KCTD8: variants seen among roughly 807,000 people sequenced by gnomAD.
KCTD8 encodes the protein BTB/POZ domain-containing protein KCTD8.
In KCTD8, 27 loss-of-function variants were observed where a neutral mutation model predicts 31.5. That is an observed-to-expected ratio of 0.86 (90% CI 0.63 to 1.18). The LOEUF is 1.18. KCTD8 is among the 50% of genes most tolerant of loss of function. The probability of loss-of-function intolerance (pLI) is 0.00; values close to 1 mark genes in which losing one functional copy is unlikely to be tolerated. For synonymous variants in KCTD8, 290 were observed against 280.0 expected (o/e 1.04, Z -0.36); for missense variants, 658 against 647.7 (o/e 1.02, Z -0.17).
At chr4:44,258,904 A>G (rs562723386) in intron 1 of KCTD8, among the ~76,000 whole-genome samples, 3 of 151,888 alleles carry the variant, frequency 2.0e-5, no homozygotes, top group African/African-American at 7.2e-5. Flanking sequence ...CAGTTTCTTC[A>G]TCTGTAAAAT....
intron 1 of KCTD8, among the ~76,000 whole-genome samples, chr4:44,177,457 A>C (rs1382670585): frequency 1.3e-5 from 2 of 151,926 alleles, no homozygotes; most frequent in African/African-American, 4.8e-5. Flanking sequence ...CTGTGTCCCC[A>C]CCCAAATATC....
chr4:44,378,257 A>ATC (rs1166183593), intron 1 of KCTD8, among the ~76,000 whole-genome samples: 5 of 144,312 alleles, frequency 3.5e-5, no homozygotes, highest in African/African-American at 5.1e-5. Flanking sequence ...ATATATATAT[A>ATC]TCTCCATGTA....
rs113107491 is a variant in KCTD8 at position 44,216,216 on chromosome 4, C to T, written c.962-40966G>A. ...AAAATTTAGTTTTCTAATTCCCATT[C>T]GCTGAAGTGCCATCTAAATTCATAG... On this transcript the variant is annotated intron_variant, in intron 1 of 1. Coordinates refer to ENST00000360029, the MANE Select transcript of KCTD8 (RefSeq NM_198353.3). 3.5e-3 allele frequency among the ~76,000 whole-genome samples: 530 copies of T among 152,200 alleles called. 7 individuals carry two copies. The highest frequency in any genetic ancestry group is 0.012 in the African/African-American group (492 of 41,538).
chr4:44,429,010 C>A (rs1489547307), intron 1 of KCTD8, among the ~76,000 whole-genome samples: 1 of 151,634 alleles, frequency 6.6e-6, no homozygotes, highest in Admixed American at 6.6e-5. Context: ...ATCATCATTG[C>A]ATCATGGTGA....
At chr4:44,189,317 T>C (rs758428245) in intron 1 of KCTD8, among the ~76,000 whole-genome samples, 3 of 152,190 alleles carry the variant, frequency 2.0e-5, no homozygotes, top group Non-Finnish European at 4.4e-5. Flanking sequence ...TGGAGCAACA[T>C]AGAATGAATC....
intron 1 of KCTD8, among the ~76,000 whole-genome samples, chr4:44,383,744 A>G (rs78013182): frequency 0.021 from 3,141 of 152,098 alleles, 122 homozygotes; most frequent in African/African-American, 0.072. Context: ...CACAAAGAAA[A>G]TGCTTCAGGA....
Position 44,448,489 on chromosome 4 carries a change from G to GTGCTGCCGCCGC in KCTD8, c.23_34dup (p.Ser8_Ser11dup), listed in dbSNP as rs1560458107. 1 of 1,504,232 alleles carries GTGCTGCCGCCGC rather than the reference G, an allele frequency of 6.6e-7. No homozygotes were observed. Among genetic ancestry groups the GTGCTGCCGCCGC allele is most frequent in the Admixed American group, 2.3e-5 (1 of 43,268 alleles). 93.2% of individuals were successfully genotyped at this position (1,504,232 alleles called of 1,614,324 possible). A position where few individuals can be genotyped will look rare whatever the true frequency, so the allele number is the denominator to read the frequency against. ...AACCATCTCGCTAATGGGCAGGATG[G>GTGCTGCCGCCGC]TGCTGCCGCCGCTGCCCGTGTCCTT... On this transcript the variant is annotated inframe_insertion, in exon 1 of 2. Transcript: ENST00000360029. The surrounding 1 kb of genome is among the most constrained non-coding windows in gnomAD (Gnocchi z 4.1).
intron 1 of KCTD8, among the ~76,000 whole-genome samples, chr4:44,271,952 G>T (rs1716620319): frequency 6.6e-6 from 1 of 151,722 alleles, no homozygotes; most frequent in Non-Finnish European, 1.5e-5. Context: ...CTGGGTTAGG[G>T]TCTCCCCAAC....
intron 1 of KCTD8, among the ~76,000 whole-genome samples, chr4:44,446,217 C>G (rs895984532): frequency 6.6e-6 from 1 of 152,188 alleles, no homozygotes; most frequent in African/African-American, 2.4e-5. Context: ...TGCACCTGTG[C>G]AAGGAGAGTT....
intron 1 of KCTD8, among the ~76,000 whole-genome samples, chr4:44,349,627 G>C (rs759194466): frequency 6.6e-6 from 1 of 152,110 alleles, no homozygotes; most frequent in Non-Finnish European, 1.5e-5. Context: ...GGAGAGCTAA[G>C]AGGTGCATTT....
At chr4:44,432,308 T>G (rs886806264) in intron 1 of KCTD8, among the ~76,000 whole-genome samples, 1 of 151,646 alleles carries the variant, frequency 6.6e-6, no homozygotes, top group East Asian at 1.9e-4. Context: ...GAATGGATAT[T>G]TATTTGCTTC....
intron 1 of KCTD8, among the ~76,000 whole-genome samples, chr4:44,306,168 T>C (rs1028220015): frequency 4.6e-5 from 7 of 151,778 alleles, no homozygotes; most frequent in African/African-American, 1.7e-4. Context: ...AAATAATAAA[T>C]GTAAAAACAG....
chr4:44,240,130 A>T (rs1715404279), intron 1 of KCTD8, among the ~76,000 whole-genome samples: 1 of 152,242 alleles, frequency 6.6e-6, no homozygotes, highest in Admixed American at 6.5e-5. Context: ...TGTTTGAATC[A>T]ATTTGTAAAA....
At chr4:44,184,881 T>C (rs1346215053) in intron 1 of KCTD8, among the ~76,000 whole-genome samples, 1 of 152,178 alleles carries the variant, frequency 6.6e-6, no homozygotes, top group Non-Finnish European at 1.5e-5. Context: ...TCAGAGTTTA[T>C]AATTTCCATG....
chr4:44,193,530 A>C (rs1713828453), intron 1 of KCTD8, among the ~76,000 whole-genome samples: 1 of 152,168 alleles, frequency 6.6e-6, no homozygotes. Flanking sequence ...TTAAACTAAG[A>C]TGCATATCTG....
chr4:44,202,241 A>T (rs1425353217), intron 1 of KCTD8, among the ~76,000 whole-genome samples: 1 of 152,188 alleles, frequency 6.6e-6, no homozygotes, highest in Non-Finnish European at 1.5e-5. Flanking sequence ...GAGATCTCTC[A>T]AACTACTTAA....
At chr4:44,285,002 G>A (rs780911580) in intron 1 of KCTD8, among the ~76,000 whole-genome samples, 1 of 152,148 alleles carries the variant, frequency 6.6e-6, no homozygotes, top group Non-Finnish European at 1.5e-5. Flanking sequence ...GGAAAAATAG[G>A]AAAGCTTTTA....
At chr4:44,392,335 C>A (rs546876667) in intron 1 of KCTD8, among the ~76,000 whole-genome samples, 88 of 152,010 alleles carry the variant, frequency 5.8e-4, no homozygotes, top group African/African-American at 2.0e-3. Flanking sequence ...TGTATATGGC[C>A]TTCTGTAAAA....
intron 1 of KCTD8, among the ~76,000 whole-genome samples, chr4:44,339,954 A>C (rs528156617): frequency 6.3e-4 from 96 of 152,302 alleles, no homozygotes; most frequent in Non-Finnish European, 1.3e-3. Flanking sequence ...ACAAAACTCA[A>C]TAAAAATTGG....
Sources: allele counts gnomAD v4.1 joint callset (sites outside exome capture counted in the v4.1 genomes callset), GRCh38; gene constraint gnomAD v4.1.1; non-coding constraint Gnocchi (gnomAD v3.1); transcripts MANE v1.5; gene names NCBI Gene and HGNC (gene_info 2026-07-23, HGNC 2026-07-21).